The following NPR3 variants were observed in gnomAD, a reference collection of about 807,000 sequenced individuals.
NPR3 encodes the protein atrial natriuretic peptide receptor 3.
In NPR3, 34 loss-of-function variants were observed where a neutral mutation model predicts 54.5. The observed-to-expected ratio is 0.62, with a 90% CI of 0.47 to 0.83. NPR3 has a LOEUF of 0.83. NPR3 is among the 40% of genes least tolerant of loss of function. NPR3 has a pLI of 0.00. For synonymous variants in NPR3, 289 were observed against 297.1 expected (o/e 0.97, Z 0.28); for missense variants, 674 against 720.8 (o/e 0.94, Z 0.74).
upstream of NPR3, chr5:32,709,400 GTTCTTT>G (rs1468523467): frequency 7.4e-6 from 1 of 135,328 alleles, no homozygotes; most frequent in Middle Eastern, 4.0e-3. Context: ...TTTTGTTGTT[GTTCTTT>G]TTCTTTTTTT....
intron 4 of NPR3, among the ~76,000 whole-genome samples, chr5:32,775,936 C>G (rs891740073): frequency 6.6e-6 from 1 of 152,154 alleles, no homozygotes; most frequent in African/African-American, 2.4e-5. Flanking sequence ...CTTCTGTTGG[C>G]ACTGAAAAAT....
chr5:32,745,934 C>T (rs1740271828), intron 3 of NPR3, among the ~76,000 whole-genome samples: 1 of 152,110 alleles, frequency 6.6e-6, no homozygotes, highest in Admixed American at 6.5e-5. Context: ...GGGTGGGATC[C>T]TCACCCCCTA....
At chr5:32,712,620 C>T in intron 1 of NPR3, 75 bp downstream of exon 1, 1 of 1,357,326 alleles carries the variant, frequency 7.4e-7, no homozygotes, top group Non-Finnish European at 9.9e-7. Flanking sequence ...CACTCGTCCA[C>T]TCTGCAGACC....
intron 3 of NPR3, among the ~76,000 whole-genome samples, chr5:32,748,514 T>C (rs1740417161): frequency 6.6e-6 from 1 of 152,182 alleles, no homozygotes; most frequent in African/African-American, 2.4e-5. Flanking sequence ...CCCTGGGAGA[T>C]AAAAGGATAA....
intron 4 of NPR3, among the ~76,000 whole-genome samples, chr5:32,780,167 T>C (rs548944876): frequency 9.1e-4 from 138 of 152,370 alleles, no homozygotes; most frequent in Middle Eastern, 3.4e-3. Context: ...GATAAACAAT[T>C]AGCGAAGAAC....
At position 32,741,227 on chromosome 5, in the gene NPR3, G is replaced by C. The variant is rs1740023945; in HGVS notation, c.1059+2197G>C. On this transcript the variant is annotated intron_variant, in intron 3 of 7. Transcript: ENST00000265074. ...GAGCTCAGGAGTTGAAGACCAGCTT[G>C]GGCAACATGGTAAAACCTCATCTCT... 2.6e-5 allele frequency among the ~76,000 whole-genome samples: 4 copies of C among 152,066 alleles called. No homozygotes were observed. In the South Asian group the frequency reaches 8.4e-4, roughly 32 times the overall value.
At chr5:32,737,597 T>C (rs558595033) in intron 2 of NPR3, among the ~76,000 whole-genome samples, 2 of 152,324 alleles carry the variant, frequency 1.3e-5, no homozygotes, top group Admixed American at 6.5e-5. Flanking sequence ...GAGTTCCTTG[T>C]ATTTTCAGAG....
rs546363699 is a variant in NPR3, at chr5:32,694,659, A to G, written c.100+5473A>G. On this transcript the variant is annotated intron_variant, in intron 1 of 5. Transcript: ENST00000509104. ...ATAATAATCACATCGGGTGAATGGG[A>G]TATCCATAACCTCAAGCATTTATCC... is the stretch of plus-strand genomic sequence containing the variant. Among the ~76,000 whole-genome samples the G allele has an allele frequency of 3.2e-4, 48 of 152,304 alleles. 1 individual carries two copies. The highest frequency in any genetic ancestry group is 9.6e-4 in the African/African-American group (40 of 41,558).
rs553379575 is a variant in NPR3 at position 32,715,146 on chromosome 5, G to T, written c.769+2601G>T. 1.4e-4 allele frequency among the ~76,000 whole-genome samples: 21 copies of T among 152,322 alleles called. No homozygotes were observed. In the South Asian group the frequency reaches 4.4e-3, roughly 32 times the overall value. ...CTGGGCTGAGATGCAGATGCCTCTG[G>T]ATTTGGCTGGCCTCCTTATGTGAGT... On this transcript the variant is annotated intron_variant, in intron 1 of 7. Coordinates refer to ENST00000265074, the MANE Select transcript of NPR3 (RefSeq NM_001204375.2).
chr5:32,744,782 C>T (rs926230840), intron 3 of NPR3, among the ~76,000 whole-genome samples: 13 of 152,146 alleles, frequency 8.5e-5, no homozygotes, highest in Admixed American at 1.3e-4. Flanking sequence ...TCATGGTGCT[C>T]GGTTCCTCTG....
chr5:32,758,281 C>T (rs914742449), intron 3 of NPR3, among the ~76,000 whole-genome samples: 17 of 152,254 alleles, frequency 1.1e-4, no homozygotes, highest in Non-Finnish European at 2.2e-4. Context: ...AATTTCAGAA[C>T]CTGTTATTGG....
At chr5:32,719,362 G>A (rs781547605) in intron 1 of NPR3, among the ~76,000 whole-genome samples, 2 of 152,072 alleles carry the variant, frequency 1.3e-5, no homozygotes, top group Non-Finnish European at 2.9e-5. Context: ...GGATGAATAA[G>A]GCCTAAATTT....
At chr5:32,719,170 T>C (rs1012273175) in intron 1 of NPR3, among the ~76,000 whole-genome samples, 1 of 152,226 alleles carries the variant, frequency 6.6e-6, no homozygotes, top group Non-Finnish European at 1.5e-5. Context: ...GATTTGCGTA[T>C]GTTGAACCTG....
At chr5:32,765,343 A>T (rs1307092287) in intron 3 of NPR3, among the ~76,000 whole-genome samples, 1 of 152,218 alleles carries the variant, frequency 6.6e-6, no homozygotes, top group African/African-American at 2.4e-5. Context: ...TCAAATCCTC[A>T]CTTGGAACCT....
intron 3 of NPR3, among the ~76,000 whole-genome samples, chr5:32,755,663 T>C (rs2111994564): frequency 6.6e-6 from 1 of 152,326 alleles, no homozygotes; most frequent in Non-Finnish European, 1.5e-5. Context: ...ATAACCCTGC[T>C]TGAATGGATG....
At chr5:32,753,085 A>T (rs1270820010) in intron 3 of NPR3, among the ~76,000 whole-genome samples, 1 of 152,196 alleles carries the variant, frequency 6.6e-6, no homozygotes, top group Non-Finnish European at 1.5e-5. Flanking sequence ...TTGAAGTGGT[A>T]CAATCTGAAA....
chr5:32,712,439 C>T lies in NPR3; in HGVS notation c.663C>T (p.His221=). The change falls in exon 1 of 8, where the codon CAC becomes CAT. Residue 221 remains histidine (H), a synonymous_variant. Transcript: ENST00000265074. ...RNCYFTLEGV[H]EVFQEEGLHT... is the part of the protein sequence containing the mutation. ...GCTACTTCACCCTCGAGGGGGTCCACGAGGTCTTCCAGGAGGAGGGTTTGC... is the reference window on the plus strand; with the variant it reads ...GCTACTTCACCCTCGAGGGGGTCCATGAGGTCTTCCAGGAGGAGGGTTTGC... 6.2e-7 allele frequency: 1 copy of T among 1,611,908 alleles called. No homozygotes were observed. Among genetic ancestry groups the T allele is most frequent in the Non-Finnish European group, 8.5e-7 (1 of 1,179,290 alleles).
At chr5:32,690,917 G>A (rs1366321539) in intron 1 of NPR3, among the ~76,000 whole-genome samples, 2 of 152,212 alleles carry the variant, frequency 1.3e-5, no homozygotes, top group Non-Finnish European at 2.9e-5. Context: ...TGACCACCCC[G>A]GGTATTCTCC....
intron 2 of NPR3, among the ~76,000 whole-genome samples, chr5:32,726,060 G>A (rs968020245): frequency 3.3e-5 from 5 of 152,160 alleles, no homozygotes; most frequent in Non-Finnish European, 5.9e-5. Flanking sequence ...AGACAGCATC[G>A]GGCTACAGAA....
Sources: allele counts gnomAD v4.1 joint callset (sites outside exome capture counted in the v4.1 genomes callset), GRCh38; gene constraint gnomAD v4.1.1; transcripts MANE v1.5; gene names NCBI Gene and HGNC (gene_info 2026-07-23, HGNC 2026-07-21).